CLASP2: variants seen among roughly 807,000 people sequenced by gnomAD.
CLASP2 encodes CLIP-associating protein 2.
In CLASP2, 47 loss-of-function variants were observed where a neutral mutation model predicts 194.4. The ratio of observed to expected loss-of-function variants is 0.24; its 90% CI spans 0.19 to 0.31. The LOEUF is 0.31. Among genes scored for constraint, CLASP2 ranks in the 10% least tolerant of loss-of-function variants. CLASP2 has a pLI of 1.00. For synonymous variants in CLASP2, 619 were observed against 633.5 expected, an observed-to-expected ratio of 0.98 and a Z score of 0.34; for missense variants, 1,445 against 1,823.6, an observed-to-expected ratio of 0.79 and a Z score of 3.78.
At chr3:33,526,866 C>T (rs1050212818) in intron 34 of CLASP2, among the ~76,000 whole-genome samples, 1 of 151,948 alleles carries the variant, frequency 6.6e-6, no homozygotes, top group Non-Finnish European at 1.5e-5. Context: ...AAACAACACG[C>T]CCCTGAATTA....
Position 33,696,927 on chromosome 3 carries a change from A to C in CLASP2, c.202T>G (p.Leu68Val). The C allele has an allele frequency of 6.4e-7, 1 of 1,566,282 alleles. No individual in the cohort carries two copies. The highest frequency in any genetic ancestry group is 8.7e-7 in the Non-Finnish European group (1 of 1,144,984). ...GCACTTAAAATTTCCAATCCCATTA[A>C]TGATACCTACAGATAAAAAGGGATT... ...WVGSSNYRVS[L>V]MGLEILSAFV... The change falls in exon 2 of 39, where the codon TTA (leucine) becomes GTA (valine). Residue 68 changes from leucine (L) to valine (V), a missense_variant. Physicochemically the swap from Leu to Val is conservative, Grantham distance 32. Coordinates refer to ENST00000682230, the MANE Select transcript of CLASP2 (RefSeq NM_001365631.1).
At chr3:33,559,074 G>T in intron 29 of CLASP2, 1 of 613,370 alleles carries the variant, frequency 1.6e-6, no homozygotes, top group Non-Finnish European at 3.0e-6. Flanking sequence ...TGCAAACACT[G>T]CAGAGAGTTA....
chr3:33,569,403 C>G (rs1429328383), intron 26 of CLASP2, among the ~76,000 whole-genome samples: 2 of 152,156 alleles, frequency 1.3e-5, no homozygotes, highest in Non-Finnish European at 2.9e-5. Flanking sequence ...TGCTTAATAA[C>G]TATATATTTC....
chr3:33,573,115 T>C lies in CLASP2; in HGVS notation c.2694A>G (p.Thr898=). The C allele has an allele frequency of 6.2e-7, 1 of 1,613,616 alleles. No individual in the cohort carries two copies. The highest frequency in any genetic ancestry group is 8.5e-7 in the Non-Finnish European group (1 of 1,179,706). The change falls in exon 25 of 39, where the codon ACA becomes ACG. Residue 898 remains threonine (T), a synonymous_variant. Transcript: ENST00000682230. ...TTTAAGACAACGCATCTCACCTTAG[T>C]GTTCTCTGATTTTTTAATAAGTTCT... is the stretch of plus-strand genomic sequence containing the variant. ...GLQNLLKNQR[T]LSRVELKRLC... is the part of the protein sequence containing the mutation.
intron 1 of CLASP2, among the ~76,000 whole-genome samples, chr3:33,710,477 G>A (rs77657493): frequency 0.044 from 6,710 of 152,180 alleles, 468 homozygotes; most frequent in African/African-American, 0.15. Context: ...GAAGACTGAG[G>A]CCAGAGGGTC....
intron 1 of CLASP2, among the ~76,000 whole-genome samples, chr3:33,700,798 T>G (rs1477779377): frequency 6.6e-6 from 1 of 152,170 alleles, no homozygotes; most frequent in African/African-American, 2.4e-5. Context: ...TACAGTGAGC[T>G]GAGATCGCGC....
chr3:33,715,844 AAGT>A (rs2093269079), intron 1 of CLASP2, among the ~76,000 whole-genome samples: 1 of 89,584 alleles, frequency 1.1e-5, no homozygotes, highest in South Asian at 5.2e-4. Context: ...ATTGTATCTT[AAGT>A]AAAAAAAAAA....
chr3:33,513,087 G>T (rs1234442650), intron 36 of CLASP2, among the ~76,000 whole-genome samples: 2 of 152,152 alleles, frequency 1.3e-5, no homozygotes, highest in African/African-American at 4.8e-5. Context: ...TACCTTAAGG[G>T]TGTCAATTTT....
chr3:33,519,690 T>C (rs2052413210), intron 34 of CLASP2, among the ~76,000 whole-genome samples: 1 of 152,172 alleles, frequency 6.6e-6, no homozygotes, highest in African/African-American at 2.4e-5. Flanking sequence ...CTACTACTGC[T>C]TTAGTTTTTT....
At chr3:33,519,033 C>G (rs921860218) in intron 34 of CLASP2, among the ~76,000 whole-genome samples, 2 of 152,102 alleles carry the variant, frequency 1.3e-5, no homozygotes, top group African/African-American at 4.8e-5. Context: ...GTTTTATTAT[C>G]AGTAAAATGG....
intron 27 of CLASP2, 116 bp from the exon 28 acceptor site, chr3:33,561,087 G>T (rs2061724506): frequency 1.1e-5 from 9 of 847,076 alleles, no homozygotes; most frequent in Non-Finnish European, 1.6e-5. Flanking sequence ...GCGATTGGCA[G>T]CCAAGCGGAA....
intron 34 of CLASP2, among the ~76,000 whole-genome samples, chr3:33,525,620 G>T (rs909048222): frequency 6.6e-6 from 1 of 152,132 alleles, no homozygotes; most frequent in Non-Finnish European, 1.5e-5. Context: ...ATCTCCCTGT[G>T]AACCCACTCC....
intron 28 of CLASP2, 84 bp from the exon 29 acceptor site, chr3:33,559,469 A>G (rs2061456053): frequency 1.4e-6 from 1 of 739,016 alleles, no homozygotes; most frequent in South Asian, 1.6e-5. Context: ...TTAATACCAA[A>G]ACATAATGTC....
chr3:33,712,068 G>T (rs142746797), intron 1 of CLASP2, among the ~76,000 whole-genome samples: 1 of 152,166 alleles, frequency 6.6e-6, no homozygotes, highest in South Asian at 2.1e-4. Context: ...GGACATGCAC[G>T]TTTATAGCAG....
intron 9 of CLASP2, among the ~76,000 whole-genome samples, chr3:33,629,513 A>G (rs1202730759): frequency 6.6e-6 from 1 of 152,158 alleles, no homozygotes; most frequent in Non-Finnish European, 1.5e-5. Context: ...CTGAGAGAAG[A>G]GAGGAGGACA....
intron 1 of CLASP2, 85 bp from the exon 2 acceptor site, chr3:33,697,018 C>A: frequency 1.3e-6 from 1 of 764,984 alleles, no homozygotes; most frequent in Non-Finnish European, 2.2e-6. Context: ...TATAAAAGAT[C>A]TTCATAAATA....
chr3:33,583,724 T>C (rs540517999), intron 22 of CLASP2, among the ~76,000 whole-genome samples: 14 of 152,356 alleles, frequency 9.2e-5, no homozygotes, highest in Non-Finnish European at 1.9e-4. Flanking sequence ...GAGTATTTTC[T>C]TTAAATATGA....
rs1243135980 is a variant in CLASP2, at chr3:33,496,648, C to CACTCTA, written c.*1977_*1982dup. 1 of 152,150 alleles carries CACTCTA rather than the reference C, an allele frequency of 6.6e-6. No individual in the cohort carries two copies. Among genetic ancestry groups the CACTCTA allele is most frequent in the East Asian group, 1.9e-4 (1 of 5,190 alleles). 9.4% of individuals were successfully genotyped at this position (152,150 alleles called of 1,614,324 possible). On this transcript the variant is annotated 3_prime_UTR_variant, in exon 39 of 39. Coordinates refer to ENST00000682230, the MANE Select transcript of CLASP2 (RefSeq NM_001365631.1). ...CAGTTAGTTACTGTTCAGCTTAAGT[C>CACTCTA]ACTCTACTTGGTTGTCAACAGTAGT...
At chr3:33,667,081 G>A (rs938439191) in intron 6 of CLASP2, among the ~76,000 whole-genome samples, 9 of 152,048 alleles carry the variant, frequency 5.9e-5, no homozygotes, top group African/African-American at 2.2e-4. Context: ...GAGTTGTAAA[G>A]AGCCCCTTAT....
Sources: gnomAD v4.1 joint callset for allele counts (sites outside exome capture counted in the v4.1 genomes callset) on GRCh38, gnomAD v4.1.1 for gene constraint, MANE v1.5 for transcripts, NCBI Gene and HGNC (gene_info 2026-07-23, HGNC 2026-07-21) for gene names.